Variants in FAAH observed in about 807,000 individuals in gnomAD.
The protein encoded by FAAH is fatty acid amide hydrolase, also known as fatty-acid amide hydrolase 1.
A neutral mutation model predicts 69.7 loss-of-function variants in FAAH; 63 were observed. The ratio of observed to expected loss-of-function variants is 0.90; its 90% CI spans 0.74 to 1.12. The LOEUF is 1.12. FAAH is among the 50% of genes most tolerant of loss of function. The pLI is 0.00. For synonymous variants in FAAH, 305 were observed against 324.2 expected, an observed-to-expected ratio of 0.94 and a Z score of 0.64; for missense variants, 680 against 755.0, an observed-to-expected ratio of 0.90 and a Z score of 1.16.
intron 2 of FAAH, among the ~76,000 whole-genome samples, chr1:46,403,218 C>G (rs1309636109): frequency 6.6e-6 from 1 of 152,042 alleles, no homozygotes; most frequent in Non-Finnish European, 1.5e-5. Flanking sequence ...ACAACCTCCA[C>G]CTCCCGGGTT....
In FAAH at chr1:46,405,921, C is replaced by G; in HGVS notation, c.786-117C>G. On this transcript the variant is annotated intron_variant, in intron 5 of 14. Transcript: ENST00000243167. The surrounding 1 kb of genome is among the most constrained non-coding windows in gnomAD (Gnocchi z 4.1). ...GCTGGGAGGAAGCATTACAGTACCA[C>G]TGGCCGGGCGTGGGTCCTAGTTTCC... 1.2e-6 allele frequency: 2 copies of G among 1,611,438 alleles called. No homozygotes were observed. Among genetic ancestry groups the G allele is most frequent in the Non-Finnish European group, 1.7e-6 (2 of 1,179,518 alleles).
chr1:46,402,937 C>A (rs1295751940), intron 2 of FAAH, among the ~76,000 whole-genome samples: 1 of 152,158 alleles, frequency 6.6e-6, no homozygotes, highest in Non-Finnish European at 1.5e-5. Context: ...AAGTGATCCA[C>A]CCGCCTCGGT....
rs1230841275 is a variant in FAAH at position 46,410,555 on chromosome 1, A to G, written c.1275+58A>G. 1.3e-6 allele frequency: 2 copies of G among 1,489,194 alleles called. No individual in the cohort carries two copies. The highest frequency in any genetic ancestry group is 2.3e-5 in the East Asian group (1 of 44,160). 92.2% of individuals were successfully genotyped at this position (1,489,194 alleles called of 1,614,324 possible). A position where few individuals can be genotyped will look rare whatever the true frequency, so the allele number is the denominator to read the frequency against. On this transcript the variant is annotated intron_variant, in intron 10 of 14. Coordinates refer to ENST00000243167, the MANE Select transcript of FAAH (RefSeq NM_001441.3). This position sits in a 1 kb window ranked among gnomAD's most constrained non-coding sequence, Gnocchi z 4.9. ...GCTGGGGGGGAACCTAGGGCCTCCT[A>G]TCGCATGATCCCCCATGGCCTCCCT... is the stretch of plus-strand genomic sequence containing the variant.
chr1:46,397,874 A>G lies in FAAH; in HGVS notation c.195+3331A>G, dbSNP rs190405814. Among the ~76,000 whole-genome samples, 226 of 150,246 alleles carry G rather than the reference A, an allele frequency of 1.5e-3. 2 individuals carry two copies. The East Asian group carries it at 0.024, about 16-fold the overall frequency. Reference sequence around the variant, plus strand: ...CACCGCGCCTGGCCAATGCCTGGCTAATTTCTGTAGTTTTAGTATAAACGG... The same window carrying G: ...CACCGCGCCTGGCCAATGCCTGGCTGATTTCTGTAGTTTTAGTATAAACGG... On this transcript the variant is annotated intron_variant, in intron 1 of 14. Coordinates refer to ENST00000243167, the MANE Select transcript of FAAH (RefSeq NM_001441.3).
At position 46,405,079 on chromosome 1, in the gene FAAH, G is replaced by C; in HGVS notation, c.375G>C (p.Leu125=). Reference sequence around the variant, plus strand: ...ATCTGGCTGACTGTGAGACTCAGCTGTCTCAGGCCCCAAGGCAGGGCCTGC... The same window carrying C: ...ATCTGGCTGACTGTGAGACTCAGCTCTCTCAGGCCCCAAGGCAGGGCCTGC... ...TSYLADCETQ[L]SQAPRQGLLY... Residue 125 remains leucine (L), a synonymous_variant, in exon 3 of 15, where the codon CTG becomes CTC. Coordinates refer to ENST00000243167, the MANE Select transcript of FAAH (RefSeq NM_001441.3). The surrounding 1 kb of genome is among the most constrained non-coding windows in gnomAD (Gnocchi z 4.1). 6.2e-7 allele frequency: 1 copy of C among 1,614,048 alleles called. No individual in the cohort carries two copies.
intron 1 of FAAH, among the ~76,000 whole-genome samples, chr1:46,395,384 A>C (rs959410116): frequency 6.6e-6 from 1 of 152,202 alleles, no homozygotes; most frequent in African/African-American, 2.4e-5. Flanking sequence ...AGCCCTTTCC[A>C]TGAGCAGGTT....
chr1:46,408,303 G>C (rs1664837093), intron 7 of FAAH, among the ~76,000 whole-genome samples, 156 bp from the exon 8 acceptor site: 1 of 152,194 alleles, frequency 6.6e-6, no homozygotes, highest in Non-Finnish European at 1.5e-5. Flanking sequence ...TCACTGTGAA[G>C]GTGTTTTATG....
intron 1 of FAAH, among the ~76,000 whole-genome samples, chr1:46,397,006 TCTTC>T: frequency 6.6e-6 from 1 of 152,368 alleles, no homozygotes; most frequent in African/African-American, 2.4e-5. Context: ...TTTTAGGGTT[TCTTC>T]CTTCCAGAGT....
At position 46,405,715 on chromosome 1, in the gene FAAH, A is replaced by C. The variant is rs1557759189; in HGVS notation, c.706A>C (p.Thr236Pro). Residue 236 changes from threonine to proline, a missense_variant, in exon 5 of 15, where the codon ACT becomes CCT. Thr to Pro is a conservative substitution (Grantham distance 38, BLOSUM62 -1). Transcript: ENST00000243167. This position sits in a 1 kb window ranked among gnomAD's most constrained non-coding sequence, Gnocchi z 4.1. ...GSGGSPLGLG[T>P]DIGGSIRFPS... ...TGGAGGCTCCCCCCTGGGCTTAGGC[A>C]CTGATATCGGAGGCAGCATCCGCTT... 3 of 1,613,356 alleles carry C rather than the reference A, an allele frequency of 1.9e-6. No individual in the cohort carries two copies. The highest frequency in any genetic ancestry group is 2.5e-6 in the Non-Finnish European group (3 of 1,180,020).
At chr1:46,412,744 A>T (rs762517790) in intron 13 of FAAH, among the ~76,000 whole-genome samples, 23 of 152,080 alleles carry the variant, frequency 1.5e-4, no homozygotes, top group Non-Finnish European at 3.1e-4. Flanking sequence ...CCAGGAGGTC[A>T]AGGCTGCAGT....
At chr1:46,402,315 G>T in intron 2 of FAAH, 111 bp downstream of exon 2, 1 of 946,770 alleles carries the variant, frequency 1.1e-6, no homozygotes, top group Non-Finnish European at 1.7e-6. Context: ...ACCTGGCCTG[G>T]AGTTAGTCCT....
At position 46,407,621 on chromosome 1, in the gene FAAH, G is replaced by A. The variant is rs76881497; in HGVS notation, c.952-838G>A. 6.6e-5 allele frequency among the ~76,000 whole-genome samples: 10 copies of A among 152,178 alleles called. No individual in the cohort carries two copies. In the East Asian group the frequency reaches 1.2e-3, roughly 18 times the overall value. ...TCTCTCTCTCTCTGTCTCTGTGTGCGTTGGGGTTGAAGGCCAGAAACAGCC... is the reference window on the plus strand; with the variant it reads ...TCTCTCTCTCTCTGTCTCTGTGTGCATTGGGGTTGAAGGCCAGAAACAGCC... On this transcript the variant is annotated intron_variant, in intron 7 of 14. Coordinates refer to ENST00000243167, the MANE Select transcript of FAAH (RefSeq NM_001441.3).
Position 46,413,179 on chromosome 1 carries a change from A to G in FAAH, c.1570A>G (p.Arg524Gly), listed in dbSNP as rs138437161. The part of the protein sequence containing the change: ...AEDEAQMEHY[R>G]GYFGDIWDKM... ...GGACGAGGCCCAGATGGAACATTAC[A>G]GGGGCTACTTTGGGGATATCTGGGA... Residue 524 changes from arginine to glycine, a missense_variant, in exon 14 of 15, where the codon AGG (arginine) becomes GGG (glycine). Arg to Gly is a moderately radical substitution (Grantham distance 125). Coordinates refer to ENST00000243167, the MANE Select transcript of FAAH (RefSeq NM_001441.3). 64 of 1,614,036 alleles carry G rather than the reference A, an allele frequency of 4.0e-5. No individual in the cohort carries two copies. The highest frequency in any genetic ancestry group is 5.1e-5 in the Non-Finnish European group (60 of 1,180,020).
chr1:46,410,315 G>T lies in FAAH; in HGVS notation c.1176-83G>T, dbSNP rs1664887745. 1 of 1,044,022 alleles carries T rather than the reference G, an allele frequency of 9.6e-7. No homozygotes were observed. 64.7% of individuals were successfully genotyped at this position (1,044,022 alleles called of 1,614,324 possible). Reference sequence around the variant, plus strand: ...GAGGTGGACAGGATCCCTGCATAGAGAATGGGATTGCTGTGGGCCGGGCGA... The same window carrying T: ...GAGGTGGACAGGATCCCTGCATAGATAATGGGATTGCTGTGGGCCGGGCGA... On this transcript the variant is annotated intron_variant, in intron 9 of 14. Transcript: ENST00000243167. The surrounding 1 kb of genome is among the most constrained non-coding windows in gnomAD (Gnocchi z 4.9).
rs1664761982 is a variant in FAAH at position 46,404,858 on chromosome 1, A to G, written c.310-156A>G. 6.6e-6 allele frequency among the ~76,000 whole-genome samples: 1 copy of G among 152,212 alleles called. No individual in the cohort carries two copies. On this transcript the variant is annotated intron_variant, in intron 2 of 14. Coordinates refer to ENST00000243167, the MANE Select transcript of FAAH (RefSeq NM_001441.3). This position sits in a 1 kb window ranked among gnomAD's most constrained non-coding sequence, Gnocchi z 4.5. The stretch of plus-strand genomic sequence containing the variant: ...CCTAGTGAGGCAGATGCTGAGCCCT[A>G]GGTCATCCTCTGTGCCCCAGGCTCT...
In FAAH at chr1:46,410,631, A is replaced by T; in HGVS notation, c.1275+134A>T. On this transcript the variant is annotated intron_variant, in intron 10 of 14. Coordinates refer to ENST00000243167, the MANE Select transcript of FAAH (RefSeq NM_001441.3). This position sits in a 1 kb window ranked among gnomAD's most constrained non-coding sequence, Gnocchi z 4.9. ...TGGCCTCCTCTTCTCTCCAGTCCCC[A>T]CCCAGACTGCTCTCCTCCTCTGTCC... The T allele has an allele frequency of 9.3e-7, 1 of 1,075,710 alleles. No homozygotes were observed. Among genetic ancestry groups the T allele is most frequent in the Non-Finnish European group, 1.4e-6 (1 of 699,662 alleles). 66.6% of individuals were successfully genotyped at this position (1,075,710 alleles called of 1,614,324 possible). A position where few individuals can be genotyped will look rare whatever the true frequency, so the allele number is the denominator to read the frequency against.
At chr1:46,400,300 A>G (rs1664675016) in intron 1 of FAAH, among the ~76,000 whole-genome samples, 1 of 152,010 alleles carries the variant, frequency 6.6e-6, no homozygotes, top group African/African-American at 2.4e-5. Flanking sequence ...GTGTGATGAG[A>G]TGGGGATTTT....
chr1:46,398,204 G>A (rs1664633858), intron 1 of FAAH, among the ~76,000 whole-genome samples: 1 of 152,210 alleles, frequency 6.6e-6, no homozygotes, highest in South Asian at 2.1e-4. Context: ...CAAAGTGTTG[G>A]GATAACAGGT....
rs45508501 is a variant in FAAH at position 46,411,786 on chromosome 1, C to T, written c.1356+135C>T. Reference sequence around the variant, plus strand: ...TGGCCTGTCATCCCCCTTCCACTCCCTGGACCACCACTTGGGCCCAGCTCT... The same window carrying T: ...TGGCCTGTCATCCCCCTTCCACTCCTTGGACCACCACTTGGGCCCAGCTCT... On this transcript the variant is annotated intron_variant, in intron 12 of 14. Coordinates refer to ENST00000243167, the MANE Select transcript of FAAH (RefSeq NM_001441.3). The surrounding 1 kb of genome is among the most constrained non-coding windows in gnomAD (Gnocchi z 4.8). 16,430 of 969,010 alleles carry T rather than the reference C, an allele frequency of 0.017. 195 individuals carry two copies. Among genetic ancestry groups the T allele is most frequent in the Non-Finnish European group, 0.023 (14,192 of 629,642 alleles). 60.0% of individuals were successfully genotyped at this position (969,010 alleles called of 1,614,324 possible). A position where few individuals can be genotyped will look rare whatever the true frequency, so the allele number is the denominator to read the frequency against.
Sources: allele counts gnomAD v4.1 joint callset (sites outside exome capture counted in the v4.1 genomes callset), GRCh38; gene constraint gnomAD v4.1.1; non-coding constraint Gnocchi (gnomAD v3.1); transcripts MANE v1.5; gene names NCBI Gene and HGNC (gene_info 2026-07-23, HGNC 2026-07-21).